The following SAMD5 variants were observed in gnomAD, a reference collection of about 807,000 sequenced individuals.
The protein encoded by SAMD5 is sterile alpha motif domain containing 5, also known as sterile alpha motif domain-containing protein 5.
In SAMD5, 13 loss-of-function variants were observed where a neutral mutation model predicts 11.3. The observed-to-expected ratio is 1.15, with a 90% confidence interval of 0.75 to 1.83. The LOEUF (loss-of-function observed/expected upper bound fraction) is 1.83, where lower values mean the gene tolerates loss of function less well. Among genes scored for constraint, SAMD5 ranks in the 40% most tolerant of loss-of-function variants. The probability of loss-of-function intolerance (pLI) is 0.00; values close to 1 mark genes in which losing one functional copy is unlikely to be tolerated. For synonymous variants in SAMD5, 129 were observed against 111.3 expected (o/e 1.16, Z -1.00); for missense variants, 255 against 239.1 (o/e 1.07, Z -0.44).
chr6:147,671,439 G>C (rs1302883827), intron 1 of SAMD5, among the ~76,000 whole-genome samples: 3 of 152,166 alleles, frequency 2.0e-5, no homozygotes, highest in African/African-American at 7.2e-5. Flanking sequence ...AAGTATGCAT[G>C]TATTTTTGAT....
chr6:147,610,722 T>C (rs1789770701), intron 1 of SAMD5, among the ~76,000 whole-genome samples: 1 of 152,102 alleles, frequency 6.6e-6, no homozygotes, highest in African/African-American at 2.4e-5. Flanking sequence ...GGTGAGTGTC[T>C]GGCCCTCATT....
At chr6:147,573,188 C>A (rs1223043453), downstream of SAMD5, among the ~76,000 whole-genome samples, 1 of 152,202 alleles carries the variant, frequency 6.6e-6, no homozygotes, top group Non-Finnish European at 1.5e-5. Flanking sequence ...TTCTTCACAC[C>A]TGGCTGTGTA....
intron 1 of SAMD5, among the ~76,000 whole-genome samples, chr6:147,654,767 C>A (rs758407517): frequency 8.7e-6 from 1 of 114,744 alleles, no homozygotes; most frequent in Non-Finnish European, 1.9e-5. Flanking sequence ...GATGGTTTGA[C>A]TATCTTTTTC....
chr6:147,575,729 C>G (rs1462495731), intron 1 of SAMD5, among the ~76,000 whole-genome samples: 1 of 152,184 alleles, frequency 6.6e-6, no homozygotes, highest in Non-Finnish European at 1.5e-5. Flanking sequence ...TTGTAGTTGA[C>G]TCTCTGCTAA....
the SAMD5 span, among the ~76,000 whole-genome samples, chr6:147,814,607 C>T: frequency 6.6e-6 from 1 of 152,132 alleles, no homozygotes; most frequent in Admixed American, 6.5e-5. Flanking sequence ...CCATTCAAAG[C>T]AGCTGGTATT....
the SAMD5 span, among the ~76,000 whole-genome samples, chr6:147,870,350 C>T: frequency 1.3e-5 from 2 of 151,974 alleles, no homozygotes; most frequent in Non-Finnish European, 2.9e-5. Flanking sequence ...TATTTTCTTC[C>T]ATCCCCATTC....
chr6:147,593,368 G>A (rs1031683404), intron 1 of SAMD5, among the ~76,000 whole-genome samples: 7 of 152,130 alleles, frequency 4.6e-5, no homozygotes, highest in Non-Finnish European at 1.0e-4. Context: ...GAAGCAAAAG[G>A]AGAGGGAGGC....
intron 1 of SAMD5, among the ~76,000 whole-genome samples, chr6:147,672,947 A>G (rs1790814354): frequency 1.3e-5 from 2 of 152,150 alleles, no homozygotes; most frequent in South Asian, 4.1e-4. Context: ...ACAGTATAGC[A>G]TGACTTACTT....
intron 1 of SAMD5, among the ~76,000 whole-genome samples, chr6:147,694,851 CT>C (rs34887081): frequency 1.3e-5 from 2 of 152,176 alleles, no homozygotes; most frequent in East Asian, 3.9e-4. Context: ...TGAAATAAGA[CT>C]TTTTTTCTGC....
intron 1 of SAMD5, among the ~76,000 whole-genome samples, chr6:147,630,401 A>G (rs939603396): frequency 2.0e-5 from 3 of 152,246 alleles, no homozygotes; most frequent in African/African-American, 7.2e-5. Context: ...CCAAGCCTGC[A>G]CGTATTTGTC....
chr6:147,943,654 A>C, the SAMD5 span, among the ~76,000 whole-genome samples: 1 of 151,532 alleles, frequency 6.6e-6, no homozygotes. Flanking sequence ...TCCTCTCCCT[A>C]ACTCCTCTCC....
chr6:147,524,230 ACTGTGGCATGACCCACTTTATGTGTTCT>A lies in SAMD5; in HGVS notation c.459+14862_459+14889del, dbSNP rs551751516. ...TCTTCTTCTGATCACTTCTCCAAAC[ACTGTGGCATGACCCACTTTATGTGTTCT>A]CTGTGGCATGACCCACTTGACCTGC... is the stretch of plus-strand genomic sequence containing the variant. On this transcript the variant is annotated intron_variant, in intron 1 of 1. Coordinates refer to ENST00000367474, the MANE Select transcript of SAMD5 (RefSeq NM_001030060.3). Among the ~76,000 whole-genome samples, 9 of 151,528 alleles carry A rather than the reference ACTGTGGCATGACCCACTTTATGTGTTCT, an allele frequency of 5.9e-5. No homozygotes were observed. The South Asian group carries it at 1.9e-3, about 32-fold the overall frequency.
At chr6:147,838,531 G>GCCCCCCCCC in the SAMD5 span, among the ~76,000 whole-genome samples, 2 of 127,706 alleles carry the variant, frequency 1.6e-5, no homozygotes, top group African/African-American at 3.1e-5. Context: ...AGAATATCCT[G>GCCCCCCCCC]CCCCCCCCCC....
intron 1 of SAMD5, among the ~76,000 whole-genome samples, chr6:147,579,709 G>A (rs1056223851): frequency 2.6e-5 from 4 of 151,988 alleles, no homozygotes; most frequent in African/African-American, 9.7e-5. Flanking sequence ...CACCTGCCTC[G>A]GCCTCCAAAA....
chr6:147,546,591 T>C (rs1226858182), intron 1 of SAMD5, among the ~76,000 whole-genome samples: 1 of 151,810 alleles, frequency 6.6e-6, no homozygotes, highest in Non-Finnish European at 1.5e-5. Context: ...TTACATCCCA[T>C]TGACCAGAGC....
chr6:147,674,007 A>G (rs1429843757), intron 1 of SAMD5, among the ~76,000 whole-genome samples: 1 of 152,210 alleles, frequency 6.6e-6, no homozygotes, highest in Admixed American at 6.5e-5. Context: ...ATGACTTGGT[A>G]TTTATTCACA....
At chr6:147,600,499 C>A (rs1789599274) in intron 1 of SAMD5, among the ~76,000 whole-genome samples, 1 of 152,192 alleles carries the variant, frequency 6.6e-6, no homozygotes, top group Non-Finnish European at 1.5e-5. Context: ...TCATATGGAG[C>A]CTCCTCCCAC....
intron 1 of SAMD5, among the ~76,000 whole-genome samples, chr6:147,629,409 A>G (rs552749420): frequency 6.6e-6 from 1 of 152,328 alleles, no homozygotes; most frequent in Non-Finnish European, 1.5e-5. Flanking sequence ...AAAGGGTAGA[A>G]TGACAAAGAA....
intron 1 of SAMD5, among the ~76,000 whole-genome samples, chr6:147,710,082 C>A (rs147860655): frequency 6.6e-6 from 1 of 152,290 alleles, no homozygotes; most frequent in Non-Finnish European, 1.5e-5. Context: ...TCAGAAATAC[C>A]TGCAGTTGCA....
Sources: allele counts gnomAD v4.1 joint callset (sites outside exome capture counted in the v4.1 genomes callset), GRCh38; gene constraint gnomAD v4.1.1; transcripts MANE v1.5; gene names NCBI Gene and HGNC (gene_info 2026-07-23, HGNC 2026-07-21).